The following TNPO3 variants were observed in gnomAD, a reference collection of about 807,000 sequenced individuals.
TNPO3 encodes transportin-3.
In TNPO3, 65 loss-of-function variants were observed where a neutral mutation model predicts 122.8. The observed-to-expected ratio is 0.53, with a 90% confidence interval of 0.43 to 0.65. The LOEUF (loss-of-function observed/expected upper bound fraction) is 0.65, where lower values mean the gene tolerates loss of function less well. TNPO3 is among the 30% of genes least tolerant of loss of function. TNPO3 has a pLI of 0.00. For synonymous variants in TNPO3, 372 were observed against 411.2 expected, an observed-to-expected ratio of 0.90 and a Z score of 1.15; for missense variants, 850 against 1,136.7, an observed-to-expected ratio of 0.75 and a Z score of 3.63.
intron 1 of TNPO3, among the ~76,000 whole-genome samples, chr7:129,054,320 G>A (rs751382489): frequency 2.0e-5 from 3 of 152,140 alleles, no homozygotes. Context: ...GGTTGGATTT[G>A]GTGGGAGGAA....
chr7:129,044,642 G>A (rs755856261), intron 1 of TNPO3, among the ~76,000 whole-genome samples: 1 of 152,156 alleles, frequency 6.6e-6, no homozygotes, highest in Non-Finnish European at 1.5e-5. Context: ...CACCTATACA[G>A]CTGTAAAAAT....
chr7:128,985,258 T>A (rs1486471536), intron 12 of TNPO3, among the ~76,000 whole-genome samples: 2 of 152,222 alleles, frequency 1.3e-5, no homozygotes, highest in East Asian at 3.8e-4. Flanking sequence ...AATTTCAGCA[T>A]GATTTTCCTT....
At chr7:128,976,837 A>G (rs1326810428) in intron 16 of TNPO3, among the ~76,000 whole-genome samples, 1 of 152,268 alleles carries the variant, frequency 6.6e-6, no homozygotes, top group Non-Finnish European at 1.5e-5. Flanking sequence ...CCATGGAATG[A>G]GCATGAGATG....
chr7:128,986,838 G>A lies in TNPO3; in HGVS notation c.1581C>T (p.Cys527=), dbSNP rs1432718863. The change falls in exon 12 of 23, where the codon TGC becomes TGT. Residue 527 remains cysteine (C), a synonymous_variant. Transcript: ENST00000265388. The part of the protein sequence containing the change: ...SAAAKAIHNI[C]SVCRDHMAQH... ...GAGCCATGTGATCTCGGCAGACAGA[G>A]CAAATGTTATGAATGGCTTTGGCTG... 2 of 1,614,112 alleles carry A rather than the reference G, an allele frequency of 1.2e-6. No individual in the cohort carries two copies. The highest frequency in any genetic ancestry group is 1.7e-5 in the Admixed American group (1 of 60,016).
chr7:129,013,258 A>G (rs1350388417), intron 4 of TNPO3, among the ~76,000 whole-genome samples: 1 of 152,176 alleles, frequency 6.6e-6, no homozygotes, highest in East Asian at 1.9e-4. Context: ...AGACCTCAAA[A>G]TCAAAGGCAA....
At chr7:128,972,784 T>C (rs1293055614) in intron 18 of TNPO3, among the ~76,000 whole-genome samples, 1 of 152,134 alleles carries the variant, frequency 6.6e-6, no homozygotes, top group East Asian at 1.9e-4. Context: ...AGTGGATACA[T>C]GTCATTACAC....
rs529576254 is a variant in TNPO3, at chr7:129,016,855, G to T, written c.395+128C>A. On this transcript the variant is annotated intron_variant, in intron 3 of 22. Coordinates refer to ENST00000265388, the MANE Select transcript of TNPO3 (RefSeq NM_012470.4). The stretch of plus-strand genomic sequence containing the variant: ...ATAAGTTTCATTTAATCTAACAAAG[G>T]TTAATAACATAATTCTATGTTAAGA... 9 of 742,766 alleles carry T rather than the reference G, an allele frequency of 1.2e-5. No individual in the cohort carries two copies. In the Admixed American group the frequency reaches 1.5e-4, roughly 13 times the overall value. The allele number at this position is 742,766 out of a possible 1,614,324, so 46.0% of individuals were successfully genotyped here.
intron 3 of TNPO3, among the ~76,000 whole-genome samples, 153 bp downstream of exon 3, chr7:129,016,830 A>G (rs541705135): frequency 2.6e-5 from 4 of 152,372 alleles, no homozygotes; most frequent in East Asian, 3.8e-4. Context: ...AAAATTTTAG[A>G]TAAGTTTCAT....
intron 6 of TNPO3, 43 bp downstream of exon 6, chr7:129,001,016 A>C: frequency 6.3e-7 from 1 of 1,596,368 alleles, no homozygotes; most frequent in Non-Finnish European, 8.6e-7. Flanking sequence ...GAATGACCAG[A>C]CTGTAGGTAA....
At chr7:129,014,061 AAC>A (rs1202741090) in intron 4 of TNPO3, among the ~76,000 whole-genome samples, 5 of 152,236 alleles carry the variant, frequency 3.3e-5, no homozygotes, top group Non-Finnish European at 5.9e-5. Context: ...TACACAGCAA[AAC>A]AGAGTGACTA....
intron 12 of TNPO3, among the ~76,000 whole-genome samples, chr7:128,986,024 C>A (rs1365031352): frequency 1.3e-5 from 2 of 152,200 alleles, no homozygotes; most frequent in African/African-American, 4.8e-5. Context: ...TCACAGGGCA[C>A]CCCAATCTGT....
chr7:129,001,035 C>T (rs753815830), intron 6 of TNPO3, 24 bp downstream of exon 6: 2 of 1,610,438 alleles, frequency 1.2e-6, no homozygotes, highest in South Asian at 2.2e-5. Flanking sequence ...AAACCCAGGG[C>T]TCCAGACTTA....
In TNPO3 at chr7:128,956,575, CATTTTGG is replaced by C. The variant is rs962683039; in HGVS notation, c.*31+642_*31+648del. On this transcript the variant is annotated intron_variant, in intron 22 of 22. Coordinates refer to ENST00000265388, the MANE Select transcript of TNPO3 (RefSeq NM_012470.4). ...ACCCTCAAGCGAATGAGCATTGGAGCATTTTGGATTTTGGATTTTTGGATTAGGAATG... is the reference window on the plus strand; with the variant it reads ...ACCCTCAAGCGAATGAGCATTGGAGCATTTTGGATTTTTGGATTAGGAATG... 2.0e-5 allele frequency among the ~76,000 whole-genome samples: 3 copies of C among 152,304 alleles called. No individual in the cohort carries two copies. In the South Asian group the frequency reaches 6.2e-4, roughly 32 times the overall value.
intron 4 of TNPO3, among the ~76,000 whole-genome samples, chr7:129,013,831 A>T (rs1803506301): frequency 6.6e-6 from 1 of 152,212 alleles, no homozygotes; most frequent in East Asian, 1.9e-4. Context: ...CATGGACGGC[A>T]CTGTTAGACA....
intron 14 of TNPO3, 128 bp downstream of exon 14, chr7:128,982,120 G>A: frequency 1.5e-6 from 1 of 687,866 alleles, no homozygotes; most frequent in South Asian, 1.9e-5. Flanking sequence ...GTAACAGCTG[G>A]CTTAATTAGT....
Position 129,005,146 on chromosome 7 carries a change from T to C in TNPO3, c.566A>G (p.Glu189Gly), listed in dbSNP as rs781013735. 1.2e-6 allele frequency: 2 copies of C among 1,613,616 alleles called. No individual in the cohort carries two copies. Among genetic ancestry groups the C allele is most frequent in the East Asian group, 4.5e-5 (2 of 44,832 alleles). The change falls in exon 5 of 23, where the codon GAA (glutamate) becomes GGA (glycine). Residue 189 changes from glutamate to glycine, a missense_variant. Transcript: ENST00000265388. ...TVVSLLMTCV[E>G]KAGTDEKMLM... is the part of the protein sequence containing the mutation. Reference sequence around the variant, plus strand: ...CATTTTCTCATCTGTTCCTGCTTTTTCTACACAGGTCATCTGAATAGAGAA... The same window carrying C: ...CATTTTCTCATCTGTTCCTGCTTTTCCTACACAGGTCATCTGAATAGAGAA...
Position 128,975,853 on chromosome 7 carries a change from T to C in TNPO3, c.2144A>G (p.Glu715Gly). Reference protein sequence around the residue: ...SILVDEYGMEEGCRQGLLDML... With the variant: ...SILVDEYGMEGGCRQGLLDML... The stretch of plus-strand genomic sequence containing the variant: ...GTCTAGCAGTCCCTGCCGACAGCCT[T>C]CTTCCATGCCATATTCATCCACAAG... The change falls in exon 17 of 23, where the codon GAA becomes GGA. Residue 715 changes from glutamate (E) to glycine (G), a missense_variant. Glu to Gly is a moderately conservative substitution (Grantham distance 98). Coordinates refer to ENST00000265388, the MANE Select transcript of TNPO3 (RefSeq NM_012470.4). 1 of 1,613,984 alleles carries C rather than the reference T, an allele frequency of 6.2e-7. No homozygotes were observed.
At chr7:128,990,251 TTC>T in intron 10 of TNPO3, 151 bp from the exon 11 acceptor site, 1 of 843,320 alleles carries the variant, frequency 1.2e-6, no homozygotes, top group Non-Finnish European at 2.0e-6. Flanking sequence ...ATGAAAGATT[TTC>T]AAATCTTCAA....
At chr7:129,053,306 C>A (rs1168354333) in intron 1 of TNPO3, among the ~76,000 whole-genome samples, 1 of 149,230 alleles carries the variant, frequency 6.7e-6, no homozygotes, top group Non-Finnish European at 1.5e-5. Flanking sequence ...CCAGCCTGGG[C>A]AACAGAGCCA....
Sources: allele counts gnomAD v4.1 joint callset (sites outside exome capture counted in the v4.1 genomes callset), GRCh38; gene constraint gnomAD v4.1.1; transcripts MANE v1.5; gene names NCBI Gene and HGNC (gene_info 2026-07-23, HGNC 2026-07-21).